Variants in PRXL2A observed in about 807,000 individuals in gnomAD.
PRXL2A encodes the protein peroxiredoxin-like 2A.
PRXL2A carries 26 observed loss-of-function variants against 25.6 expected under a neutral mutation model. The ratio of observed to expected loss-of-function variants is 1.02; its 90% CI spans 0.74 to 1.41. The LOEUF (loss-of-function observed/expected upper bound fraction) is 1.41, where lower values mean the gene tolerates loss of function less well. PRXL2A is among the 40% of genes most tolerant of loss of function. The pLI, the probability that PRXL2A is intolerant of heterozygous loss-of-function variation, is 0.00. For missense variants in PRXL2A, 246 were observed against 273.9 expected (o/e 0.90, Z 0.72); for synonymous variants, 98 against 102.9 (o/e 0.95, Z 0.29).
At chr10:80,429,727 A>G (rs1165862673) in intron 5 of PRXL2A, among the ~76,000 whole-genome samples, 2 of 150,352 alleles carry the variant, frequency 1.3e-5, no homozygotes, top group African/African-American at 4.9e-5. Context: ...CCCAGCGACC[A>G]CTTCCTGATG....
At chr10:80,409,078 TG>T (rs1844369320) in intron 1 of PRXL2A, 1 of 985,242 alleles carries the variant, frequency 1.0e-6, no homozygotes, top group South Asian at 4.7e-5. Context: ...GGTGCGGACC[TG>T]GCAGTCCTCG....
intron 1 of PRXL2A, chr10:80,413,730 G>T: frequency 2.1e-6 from 1 of 478,614 alleles, no homozygotes; most frequent in Non-Finnish European, 2.7e-6. Context: ...CAGGGTTTCT[G>T]GGTGGCCTGG....
At chr10:80,408,335 G>C (rs1844338944), upstream of PRXL2A, among the ~76,000 whole-genome samples, 1 of 152,086 alleles carries the variant, frequency 6.6e-6, no homozygotes, top group South Asian at 2.1e-4. Flanking sequence ...TCGGGGCCTC[G>C]GTTCGCGGAC....
At chr10:80,418,156 G>A (rs183662547) in intron 1 of PRXL2A, among the ~76,000 whole-genome samples, 2 of 151,848 alleles carry the variant, frequency 1.3e-5, no homozygotes, top group East Asian at 3.9e-4. Context: ...ATACCTGATA[G>A]GTAATTTTCA....
chr10:80,410,208 C>T (rs1844431802), intron 1 of PRXL2A, among the ~76,000 whole-genome samples: 1 of 152,262 alleles, frequency 6.6e-6, no homozygotes, highest in Admixed American at 6.5e-5. Flanking sequence ...CTCCAAGTCT[C>T]TCTGCTGTGG....
upstream of PRXL2A, chr10:80,407,994 C>G (rs1287389110): frequency 1.3e-5 from 2 of 152,138 alleles, no homozygotes; most frequent in South Asian, 2.1e-4. Flanking sequence ...CCCGCCTCAG[C>G]GTCGCCCGGA....
At chr10:80,431,944 G>C (rs17617713) in intron 5 of PRXL2A, 42 bp from the exon 6 acceptor site, 7 of 1,447,532 alleles carry the variant, frequency 4.8e-6, no homozygotes, top group African/African-American at 1.4e-5. Flanking sequence ...ATGAACGAAC[G>C]ATTTAGGATG....
chr10:80,428,430 G>A (rs543830638), intron 5 of PRXL2A, among the ~76,000 whole-genome samples: 13 of 152,308 alleles, frequency 8.5e-5, no homozygotes, highest in East Asian at 1.9e-4. Context: ...AGGCCAAGGC[G>A]GGCGGATCAC....
chr10:80,414,572 T>C (rs1276033150), intron 1 of PRXL2A, among the ~76,000 whole-genome samples: 1 of 152,236 alleles, frequency 6.6e-6, no homozygotes. Context: ...TTCTTTTCTT[T>C]GTTAATCAAC....
chr10:80,409,132 G>A, intron 1 of PRXL2A: 2 of 939,416 alleles, frequency 2.1e-6, no homozygotes, highest in South Asian at 4.9e-5. Context: ...TTTTAAGAGG[G>A]CACGGTTTCT....
Position 80,433,502 on chromosome 10 carries a change from A to T in PRXL2A, c.*1403A>T, listed in dbSNP as rs1043838490. 1 of 152,372 alleles carries T rather than the reference A, an allele frequency of 6.6e-6. No individual in the cohort carries two copies. Among genetic ancestry groups the T allele is most frequent in the African/African-American group, 2.4e-5 (1 of 41,460 alleles). The allele number at this position is 152,372 out of a possible 1,614,324, so 9.4% of individuals were successfully genotyped here. Reference sequence around the variant, plus strand: ...GAAAGGAATCAGTGTTTACCCAGGAAAGCAAGAATGGATACTGATGTTGGA... The same window carrying T: ...GAAAGGAATCAGTGTTTACCCAGGATAGCAAGAATGGATACTGATGTTGGA... On this transcript the variant is annotated 3_prime_UTR_variant, in exon 6 of 6. Coordinates refer to ENST00000606162, the MANE Select transcript of PRXL2A (RefSeq NM_032333.5).
At chr10:80,424,378 AG>A (rs1844965082) in intron 3 of PRXL2A, among the ~76,000 whole-genome samples, 1 of 110,006 alleles carries the variant, frequency 9.1e-6, no homozygotes, top group South Asian at 3.4e-4. Context: ...AGACCACCCT[AG>A]GCAACATAGC....
chr10:80,408,766 GCGCCCCT>G (rs1844353839), intron 1 of PRXL2A, 123 bp downstream of exon 1: 1 of 152,274 alleles, frequency 6.6e-6, no homozygotes, highest in South Asian at 2.1e-4. Flanking sequence ...CTGGTGAGGC[GCGCCCCT>G]CGGGCCCGCG....
At chr10:80,415,900 A>C (rs1902662) in intron 1 of PRXL2A, among the ~76,000 whole-genome samples, 1 of 152,172 alleles carries the variant, frequency 6.6e-6, no homozygotes, top group African/African-American at 2.4e-5. Flanking sequence ...TTGTGAATGC[A>C]CTGATGTGTC....
chr10:80,427,415 C>T lies in PRXL2A; in HGVS notation c.495C>T (p.Ala165=). The T allele has an allele frequency of 6.2e-7, 1 of 1,614,124 alleles. No homozygotes were observed. The highest frequency in any genetic ancestry group is 1.1e-5 in the South Asian group (1 of 91,078). ...RLGVWYNFFR[A]WNGGFSGNLE... ...GAGTGTGGTACAACTTCTTCCGAGCCTGGAACGGAGGCTTCTCTGGAAACC... is the reference window on the plus strand; with the variant it reads ...GAGTGTGGTACAACTTCTTCCGAGCTTGGAACGGAGGCTTCTCTGGAAACC... The change falls in exon 5 of 6, where the codon GCC becomes GCT. Residue 165 remains alanine, a synonymous_variant. Coordinates refer to ENST00000606162, the MANE Select transcript of PRXL2A (RefSeq NM_032333.5).
intron 1 of PRXL2A, among the ~76,000 whole-genome samples, chr10:80,414,221 GTTGT>G (rs777804154): frequency 6.6e-6 from 1 of 152,218 alleles, no homozygotes; most frequent in African/African-American, 2.4e-5. Context: ...TGCCACAGCT[GTTGT>G]TTGTTTGTGG....
At chr10:80,425,466 T>C (rs1845009963) in intron 3 of PRXL2A, among the ~76,000 whole-genome samples, 1 of 152,142 alleles carries the variant, frequency 6.6e-6, no homozygotes, top group South Asian at 2.1e-4. Context: ...ACAGGGAAGA[T>C]AGGATATGCA....
rs1490869657 is a variant in PRXL2A, at chr10:80,432,751, TTGA to T, written c.*657_*659del. On this transcript the variant is annotated 3_prime_UTR_variant, in exon 6 of 6. Transcript: ENST00000606162. ...CGGGTCTTCAAAAATTCAAGAAAAGTTGATGATTGACTTGAAGATTACAAAATT... is the reference window on the plus strand; with the variant it reads ...CGGGTCTTCAAAAATTCAAGAAAAGTTGATTGACTTGAAGATTACAAAATT... The T allele has an allele frequency of 6.6e-6, 1 of 152,162 alleles. No homozygotes were observed. Among genetic ancestry groups the T allele is most frequent in the Non-Finnish European group, 1.5e-5 (1 of 68,036 alleles). The allele number at this position is 152,162 out of a possible 1,614,324, so 9.4% of individuals were successfully genotyped here. A position where few individuals can be genotyped will look rare whatever the true frequency, so the allele number is the denominator to read the frequency against.
intron 3 of PRXL2A, among the ~76,000 whole-genome samples, 155 bp downstream of exon 3, chr10:80,422,663 CTTT>C (rs35293617): frequency 7.0e-6 from 1 of 142,322 alleles, no homozygotes; most frequent in Non-Finnish European, 1.5e-5. Context: ...GATTTGTGCT[CTTT>C]TTTTTTTTTT....
Sources: gnomAD v4.1 joint callset for allele counts (sites outside exome capture counted in the v4.1 genomes callset) on GRCh38, gnomAD v4.1.1 for gene constraint, MANE v1.5 for transcripts, NCBI Gene and HGNC (gene_info 2026-07-23, HGNC 2026-07-21) for gene names.